Variants in ANK2 observed in about 807,000 individuals in gnomAD.
ANK2 encodes ankyrin-2.
Under a neutral mutation model 360.5 loss-of-function variants are expected in ANK2, and 83 were observed. The ratio of observed to expected loss-of-function variants is 0.23; its 90% CI spans 0.19 to 0.28. The LOEUF is 0.28. ANK2 is among the 10% of genes least tolerant of loss of function. The probability of loss-of-function intolerance (pLI) is 1.00; values close to 1 mark genes in which losing one functional copy is unlikely to be tolerated. For synonymous variants in ANK2, 1,740 were observed against 1,759.5 expected, an observed-to-expected ratio of 0.99 and a Z score of 0.28; for missense variants, 4,201 against 4,795.7, an observed-to-expected ratio of 0.88 and a Z score of 3.66.
At position 112,916,939 on chromosome 4, in the gene ANK2, A is replaced by T. The variant is rs2090025760; in HGVS notation, c.21+12425A>T. 2.0e-5 allele frequency among the ~76,000 whole-genome samples: 3 copies of T among 152,210 alleles called. No homozygotes were observed. In the South Asian group the frequency reaches 6.2e-4, roughly 32 times the overall value. ...TGATTTTAAGGAACTCAGAATCATA[A>T]AGAAAATATATAGGGACAACTTAAA... On this transcript the variant is annotated intron_variant, in intron 2 of 30. Coordinates refer to the ANK2 transcript ENST00000503271.
At chr4:112,945,760 T>C (rs1485675660) in intron 2 of ANK2, among the ~76,000 whole-genome samples, 1 of 152,210 alleles carries the variant, frequency 6.6e-6, no homozygotes, top group Non-Finnish European at 1.5e-5. Context: ...ATGGTTGTCT[T>C]ATAATGCCCA....
the ANK2 span, among the ~76,000 whole-genome samples, chr4:112,789,967 G>T: frequency 6.6e-6 from 1 of 152,214 alleles, no homozygotes; most frequent in Admixed American, 6.5e-5. Context: ...TGGTGAGAAT[G>T]TGGAGAAATT....
At chr4:112,738,627 C>G in the ANK2 span, 1 of 545,146 alleles carries the variant, frequency 1.8e-6, no homozygotes, top group East Asian at 4.7e-5. Flanking sequence ...CTAGCTCTTC[C>G]TCTGGGCTGC....
intron 1 of ANK2, chr4:113,151,161 A>C: frequency 7.8e-7 from 1 of 1,274,978 alleles, no homozygotes; most frequent in Non-Finnish European, 1.0e-6. Context: ...AAAACAGTAA[A>C]GACGTTGGTA....
rs572394073 is a variant in ANK2 at position 113,226,042 on chromosome 4, AAC to A, written c.385-6117_385-6116del. On this transcript the variant is annotated intron_variant, in intron 4 of 45. Coordinates refer to ENST00000357077, the MANE Select transcript of ANK2 (RefSeq NM_001148.6). ...GCAATGCTTATCTTCCTAATCGTGA[AAC>A]AGAGTATAAATAAATGAAGAGTAAA... Among the ~76,000 whole-genome samples, 575 of 152,324 alleles carry A rather than the reference AAC, an allele frequency of 3.8e-3. 3 individuals are homozygous for A. The highest frequency in any genetic ancestry group is 6.6e-3 in the Admixed American group (101 of 15,282).
At chr4:112,715,353 C>T in the ANK2 span, among the ~76,000 whole-genome samples, 26 of 152,086 alleles carry the variant, frequency 1.7e-4, no homozygotes, top group Admixed American at 4.6e-4. Flanking sequence ...TGGTAGGGGA[C>T]GTACATCCCA....
chr4:113,293,205 T>C (rs981665319), intron 21 of ANK2: 2 of 657,818 alleles, frequency 3.0e-6, no homozygotes, highest in African/African-American at 3.6e-5. Flanking sequence ...AAGTGCTTCT[T>C]ATTAAAAAGA....
chr4:112,771,009 T>TG, the ANK2 span, among the ~76,000 whole-genome samples: 6 of 152,212 alleles, frequency 3.9e-5, no homozygotes, highest in African/African-American at 1.4e-4. Context: ...CAGGGAGCAC[T>TG]GTGGGGCAGA....
chr4:113,190,480 T>G (rs1012557478), intron 2 of ANK2, among the ~76,000 whole-genome samples: 1 of 136,876 alleles, frequency 7.3e-6, no homozygotes. Context: ...ATTTTAATGT[T>G]TTTTTTTTTC....
At position 113,098,816 on chromosome 4, in the gene ANK2, A is replaced by T. The variant is rs370350103; in HGVS notation, c.84+49004A>T. Among the ~76,000 whole-genome samples the T allele has an allele frequency of 7.2e-5, 11 of 152,092 alleles. No individual in the cohort carries two copies. In the East Asian group the frequency reaches 7.7e-4, roughly 11 times the overall value. ...GATTTATATACCATTATCAAGTGAG[A>T]TTTATTCTGTGTATACAAGGCTGGT... On this transcript the variant is annotated intron_variant, in intron 1 of 45. Coordinates refer to ENST00000357077, the MANE Select transcript of ANK2 (RefSeq NM_001148.6).
intron 1 of ANK2, among the ~76,000 whole-genome samples, chr4:112,848,553 T>C (rs944800717): frequency 1.3e-5 from 2 of 152,214 alleles, no homozygotes; most frequent in Non-Finnish European, 2.9e-5. Context: ...TTCTCAAACG[T>C]CACTTCTACT....
chr4:112,902,263 C>CTTGAAATTGGGACTAAAA (rs1335421195), intron 1 of ANK2, among the ~76,000 whole-genome samples: 2 of 152,218 alleles, frequency 1.3e-5, no homozygotes, highest in Non-Finnish European at 2.9e-5. Context: ...TTGGCAGTCT[C>CTTGAAATTGGGACTAAAA]TTGAAATTGG....
intron 26 of ANK2, among the ~76,000 whole-genome samples, chr4:113,326,138 AT>A (rs1292257420): frequency 6.6e-6 from 1 of 152,062 alleles, no homozygotes; most frequent in Non-Finnish European, 1.5e-5. Flanking sequence ...TTTGCTTACA[AT>A]TTTTTTTATG....
intron 1 of ANK2, among the ~76,000 whole-genome samples, chr4:112,883,868 AT>A (rs1458682687): frequency 4.9e-5 from 7 of 142,226 alleles, no homozygotes; most frequent in African/African-American, 2.0e-4. Context: ...TCATATATAT[AT>A]GTATATATAT....
At chr4:112,916,971 T>A (rs904954845) in intron 2 of ANK2, among the ~76,000 whole-genome samples, 2 of 152,150 alleles carry the variant, frequency 1.3e-5, no homozygotes, top group African/African-American at 4.8e-5. Flanking sequence ...TAAATTCCAG[T>A]GCCATAAATG....
intron 1 of ANK2, among the ~76,000 whole-genome samples, chr4:112,863,985 T>TA (rs1389396958): frequency 6.6e-6 from 1 of 152,112 alleles, no homozygotes; most frequent in Non-Finnish European, 1.5e-5. Flanking sequence ...TAAAAGATGA[T>TA]ACAGTCAGGA....
chr4:113,057,612 T>C (rs1193536325), intron 1 of ANK2, among the ~76,000 whole-genome samples: 1 of 152,192 alleles, frequency 6.6e-6, no homozygotes, highest in African/African-American at 2.4e-5. Context: ...TATATATATA[T>C]ATGTTTAATC....
chr4:112,828,236 T>G (rs1413056812), intron 1 of ANK2, among the ~76,000 whole-genome samples: 1 of 141,738 alleles, frequency 7.1e-6, no homozygotes, highest in African/African-American at 2.9e-5. Context: ...TACGGACTTT[T>G]TTTTTTTTTT....
Position 113,252,461 on chromosome 4 carries a change from C to A in ANK2, c.990+2599C>A, listed in dbSNP as rs368741905. Reference sequence around the variant, plus strand: ...ATTCTTTGTCAATTCTAGCTCTCAGCAAACTGTGACTCCTCACCACAACCC... The same window carrying A: ...ATTCTTTGTCAATTCTAGCTCTCAGAAAACTGTGACTCCTCACCACAACCC... On this transcript the variant is annotated intron_variant, in intron 10 of 45. Coordinates refer to ENST00000357077, the MANE Select transcript of ANK2 (RefSeq NM_001148.6). Among the ~76,000 whole-genome samples, 11 of 152,312 alleles carry A rather than the reference C, an allele frequency of 7.2e-5. No homozygotes were observed. The East Asian group carries it at 1.7e-3, about 24-fold the overall frequency.
Sources: gnomAD v4.1 joint callset for allele counts (sites outside exome capture counted in the v4.1 genomes callset) on GRCh38, gnomAD v4.1.1 for gene constraint, MANE v1.5 for transcripts, NCBI Gene and HGNC (gene_info 2026-07-23, HGNC 2026-07-21) for gene names.